Variants in GALNT10 observed in about 807,000 individuals in gnomAD.
GALNT10 encodes the protein GalNAc transferase 10.
GALNT10 carries 41 observed loss-of-function variants against 75.0 expected under a neutral mutation model. That is an observed-to-expected ratio of 0.55 (90% CI 0.43 to 0.71). The LOEUF (loss-of-function observed/expected upper bound fraction) is 0.71, where lower values mean the gene tolerates loss of function less well. Among genes scored for constraint, GALNT10 ranks in the 30% least tolerant of loss-of-function variants. GALNT10 has a pLI of 0.00. For synonymous variants in GALNT10, 302 were observed against 313.0 expected (o/e 0.96, Z 0.37); for missense variants, 727 against 818.5 (o/e 0.89, Z 1.36).
chr5:154,194,963 G>A (rs1774913230), intron 1 of GALNT10, among the ~76,000 whole-genome samples: 1 of 152,174 alleles, frequency 6.6e-6, no homozygotes, highest in Admixed American at 6.5e-5. Flanking sequence ...ACAGGCCTCT[G>A]TATCTAACTT....
intron 1 of GALNT10, among the ~76,000 whole-genome samples, chr5:154,281,120 A>C: frequency 6.6e-6 from 1 of 152,222 alleles, no homozygotes; most frequent in East Asian, 1.9e-4. Flanking sequence ...AGTTTCTATA[A>C]AGAGTAACTT....
chr5:154,307,435 A>G (rs35600579), intron 3 of GALNT10, among the ~76,000 whole-genome samples: 65,935 of 151,760 alleles, frequency 0.43, 15,042 homozygotes, highest in African/African-American at 0.53. Context: ...CCTGGCTAAC[A>G]TGGTGAAACC....
chr5:154,258,298 A>G (rs1010223194), intron 1 of GALNT10, among the ~76,000 whole-genome samples: 1 of 152,124 alleles, frequency 6.6e-6, no homozygotes, highest in Non-Finnish European at 1.5e-5. Context: ...TTCAGTGTCT[A>G]TTGTCTTGAG....
intron 1 of GALNT10, among the ~76,000 whole-genome samples, chr5:154,255,895 CTCT>C (rs1561642358): frequency 6.8e-6 from 1 of 146,192 alleles, no homozygotes; most frequent in African/African-American, 2.5e-5. Flanking sequence ...CTTCCTCTCT[CTCT>C]TCTTCTAAAT....
In GALNT10 at chr5:154,402,398, C is replaced by G. The variant is rs1756187725; in HGVS notation, c.1057-1706C>G. Among the ~76,000 whole-genome samples the G allele has an allele frequency of 6.6e-6, 1 of 152,246 alleles. No individual in the cohort carries two copies. The highest frequency in any genetic ancestry group is 1.5e-5 in the Non-Finnish European group (1 of 68,044). On this transcript the variant is annotated intron_variant, in intron 7 of 11. Transcript: ENST00000297107. This position sits in a 1 kb window ranked among gnomAD's most constrained non-coding sequence, Gnocchi z 4.2. ...AACATCCCTTCCGAAGTGAGGCTTT[C>G]CCTGACTGGGGAGCATAAAGTAGCA...
chr5:154,199,865 G>A lies in GALNT10; in HGVS notation c.159+8840G>A, dbSNP rs58711554. Reference sequence around the variant, plus strand: ...CTGTGCCTGACCTCTGGGGCTTCCTGCTCCTTCTCCTAAAATGAGCAAAGT... The same window carrying A: ...CTGTGCCTGACCTCTGGGGCTTCCTACTCCTTCTCCTAAAATGAGCAAAGT... On this transcript the variant is annotated intron_variant, in intron 1 of 11. Transcript: ENST00000297107. 2.6e-5 allele frequency among the ~76,000 whole-genome samples: 4 copies of A among 152,264 alleles called. No individual in the cohort carries two copies. The East Asian group carries it at 5.8e-4, about 22-fold the overall frequency.
At chr5:154,274,561 C>T (rs1386595297) in intron 1 of GALNT10, among the ~76,000 whole-genome samples, 1 of 152,114 alleles carries the variant, frequency 6.6e-6, no homozygotes, top group East Asian at 1.9e-4. Flanking sequence ...ATCATCGTCA[C>T]CAAATTCCTG....
intron 6 of GALNT10, among the ~76,000 whole-genome samples, chr5:154,382,181 C>T (rs969110431): frequency 2.3e-4 from 35 of 152,208 alleles, no homozygotes; most frequent in African/African-American, 7.2e-4. Flanking sequence ...ACCCCTAACA[C>T]TATGAGCCCC....
chr5:154,335,859 G>T (rs1211948649), intron 4 of GALNT10, among the ~76,000 whole-genome samples: 2 of 152,018 alleles, frequency 1.3e-5, no homozygotes, highest in Non-Finnish European at 2.9e-5. Flanking sequence ...TTATATTAGG[G>T]TTCACTCTGG....
At chr5:154,321,776 G>A (rs929977750) in intron 3 of GALNT10, among the ~76,000 whole-genome samples, 11 of 143,404 alleles carry the variant, frequency 7.7e-5, no homozygotes, top group Non-Finnish European at 1.7e-4. Context: ...GGTGAGAGCC[G>A]AAGTGTCTGG....
chr5:154,230,742 A>G (rs1297351383), intron 1 of GALNT10, among the ~76,000 whole-genome samples: 1 of 152,180 alleles, frequency 6.6e-6, no homozygotes, highest in Non-Finnish European at 1.5e-5. Context: ...TGCCCACAGC[A>G]TCCTTTCCTC....
intron 3 of GALNT10, among the ~76,000 whole-genome samples, chr5:154,313,945 T>G (rs927356941): frequency 2.0e-5 from 3 of 152,196 alleles, no homozygotes; most frequent in African/African-American, 7.2e-5. Context: ...GTCAGTTTCT[T>G]GATGGCTCCA....
At chr5:154,299,497 A>G (rs572374968) in intron 3 of GALNT10, among the ~76,000 whole-genome samples, 1 of 152,366 alleles carries the variant, frequency 6.6e-6, no homozygotes, top group East Asian at 1.9e-4. Context: ...GTCTGGCTCT[A>G]GAATCTGTGG....
chr5:154,347,559 G>T (rs546034633), intron 4 of GALNT10, among the ~76,000 whole-genome samples: 1 of 151,868 alleles, frequency 6.6e-6, no homozygotes, highest in African/African-American at 2.4e-5. Context: ...ACAAGGTCTC[G>T]CTGTGTTGCC....
chr5:154,340,921 A>G lies in GALNT10; in HGVS notation c.568+11183A>G, dbSNP rs548214106. Reference sequence around the variant, plus strand: ...GAAGGCCAAATATACACATTTATATATCATTTATTTATTTCAAATTTTTTT... The same window carrying G: ...GAAGGCCAAATATACACATTTATATGTCATTTATTTATTTCAAATTTTTTT... On this transcript the variant is annotated intron_variant, in intron 4 of 11. Transcript: ENST00000297107. Among the ~76,000 whole-genome samples the G allele has an allele frequency of 5.3e-5, 8 of 152,368 alleles. No individual in the cohort carries two copies. In the East Asian group the frequency reaches 1.2e-3, roughly 22 times the overall value.
At chr5:154,284,763 A>G (rs986959697) in intron 1 of GALNT10, among the ~76,000 whole-genome samples, 3 of 152,142 alleles carry the variant, frequency 2.0e-5, no homozygotes, top group African/African-American at 7.2e-5. Flanking sequence ...GCCTTTCTAG[A>G]TACTGAGTTT....
In GALNT10 at chr5:154,319,980, G is replaced by A. The variant is rs532098119; in HGVS notation, c.402-9592G>A. Among the ~76,000 whole-genome samples, 5 of 152,322 alleles carry A rather than the reference G, an allele frequency of 3.3e-5. No homozygotes were observed. In the South Asian group the frequency reaches 1.0e-3, roughly 32 times the overall value. ...GCTTTGCTTGGGCTCTCAACTGGAA[G>A]GTGGCTTGTGGGCAGGTCTATAGAG... On this transcript the variant is annotated intron_variant, in intron 3 of 11. Coordinates refer to ENST00000297107, the MANE Select transcript of GALNT10 (RefSeq NM_198321.4).
chr5:154,255,698 C>T (rs538738730), intron 1 of GALNT10, among the ~76,000 whole-genome samples: 11 of 152,166 alleles, frequency 7.2e-5, no homozygotes, highest in East Asian at 5.8e-4. Context: ...CACTTTCCCA[C>T]GCTGGTGGCT....
intron 4 of GALNT10, among the ~76,000 whole-genome samples, chr5:154,344,556 T>C (rs1463281258): frequency 6.6e-6 from 1 of 152,130 alleles, no homozygotes; most frequent in African/African-American, 2.4e-5. Context: ...CAAGAACAGA[T>C]ATTCCGCTTC....
Sources: gnomAD v4.1 joint callset for allele counts (sites outside exome capture counted in the v4.1 genomes callset) on GRCh38, gnomAD v4.1.1 for gene constraint, Gnocchi (gnomAD v3.1) non-coding constraint, MANE v1.5 for transcripts, NCBI Gene and HGNC (gene_info 2026-07-23, HGNC 2026-07-21) for gene names.